The following TEX15 variants were observed in gnomAD, a reference collection of about 807,000 sequenced individuals.
TEX15 encodes testis-expressed protein 15.
A neutral mutation model predicts 237.3 loss-of-function variants in TEX15; 171 were observed. The observed-to-expected ratio is 0.72, with a 90% CI of 0.64 to 0.82. The LOEUF (loss-of-function observed/expected upper bound fraction) is 0.82. Ranked by LOEUF, TEX15 falls within the 40% of genes least tolerant of loss-of-function variation. The probability of loss-of-function intolerance (pLI) is 0.00; values close to 1 mark genes in which losing one functional copy is unlikely to be tolerated. For synonymous variants in TEX15, 1,338 were observed against 1,269.8 expected (o/e 1.05, Z -1.14); for missense variants, 3,750 against 3,646.5 (o/e 1.03, Z -0.73).
intron 2 of TEX15, among the ~76,000 whole-genome samples, chr8:30,888,196 T>C (rs1019468058): frequency 1.3e-5 from 2 of 151,942 alleles, no homozygotes; most frequent in Non-Finnish European, 2.9e-5. Context: ...ATTACAGGCA[T>C]GAGCCACCAT....
intron 3 of TEX15, 134 bp downstream of exon 3, chr8:30,887,033 A>C: frequency 1.4e-6 from 1 of 721,430 alleles, no homozygotes; most frequent in Non-Finnish European, 2.2e-6. Flanking sequence ...ACATAAGTAC[A>C]TGTATGTTTA....
chr8:30,843,201 TA>T lies in TEX15; in HGVS notation c.6965del (p.Leu2322Ter). ...CAATAGGGGAAATTGGTTCATTGTT[TA>T]AATCTTTAGACAAAGTATCATATAT... ...QKIYDTLSKD[L>X]NNEPISPIGL... On this transcript the variant is annotated frameshift_variant, in exon 8 of 11. Coordinates refer to ENST00000643185, the MANE Select transcript of TEX15 (RefSeq NM_001350162.2). LOFTEE classifies it high-confidence loss of function. 6.8e-6 allele frequency: 11 copies of T among 1,613,526 alleles called. No individual in the cohort carries two copies. Among genetic ancestry groups the T allele is most frequent in the Non-Finnish European group, 9.3e-6 (11 of 1,179,656 alleles).
intron 2 of TEX15, among the ~76,000 whole-genome samples, chr8:30,892,556 G>A (rs1360428472): frequency 6.6e-6 from 1 of 152,100 alleles, no homozygotes; most frequent in Non-Finnish European, 1.5e-5. Context: ...AAGTTATACT[G>A]TTATATTAGT....
At chr8:30,835,101 TCTA>T (rs1469378772) in intron 10 of TEX15, among the ~76,000 whole-genome samples, 6 of 151,922 alleles carry the variant, frequency 3.9e-5, no homozygotes, top group Admixed American at 3.9e-4. Context: ...AGACCTCCTC[TCTA>T]CTAATATATA....
chr8:30,872,993 C>T (rs80057881), intron 4 of TEX15, among the ~76,000 whole-genome samples: 14,558 of 152,020 alleles, frequency 0.096, 1,018 homozygotes, highest in African/African-American at 0.2. Context: ...AACAGGTATA[C>T]GATATAGTTG....
rs148337971 is a variant in TEX15, at chr8:30,842,732, A to C, written c.7435T>G (p.Leu2479Val). ...TGAACCAGCTCAGGAAGAAGTGACA[A>C]ATCAAACCAAAGCATACCTCGAAAC... Reference protein sequence around the residue: ...QRFRGMLWFDLSLLPELVQCQ... With the variant: ...QRFRGMLWFDVSLLPELVQCQ... The change falls in exon 8 of 11, where the codon TTG becomes GTG. Residue 2479 changes from leucine (L) to valine (V), a missense_variant. Leu to Val is a conservative substitution (Grantham distance 32, BLOSUM62 1). Coordinates refer to ENST00000643185, the MANE Select transcript of TEX15 (RefSeq NM_001350162.2). The C allele has an allele frequency of 2.8e-4, 446 of 1,613,536 alleles. No individual in the cohort carries two copies. The African/African-American group carries it at 4.7e-3, about 17-fold the overall frequency.
Position 30,844,728 on chromosome 8 carries a change from A to G in TEX15, c.5439T>C (p.Ser1813=). 6.2e-7 allele frequency: 1 copy of G among 1,613,274 alleles called. No homozygotes were observed. Among genetic ancestry groups the G allele is most frequent in the African/African-American group, 1.3e-5 (1 of 75,042 alleles). Residue 1813 remains serine, a synonymous_variant, in exon 8 of 11, where the codon TCT becomes TCC. Coordinates refer to ENST00000643185, the MANE Select transcript of TEX15 (RefSeq NM_001350162.2). ...KSYGENIVEL[S]SSDSSLLLKD... The stretch of plus-strand genomic sequence containing the variant: ...TTAAAAGCAGAGAACTATCACTGGA[A>G]GATAATTCCACTATATTTTCCCCAT...
chr8:30,839,440 A>G (rs889560910), intron 9 of TEX15, among the ~76,000 whole-genome samples: 22 of 151,548 alleles, frequency 1.5e-4, no homozygotes, highest in Admixed American at 4.6e-4. Flanking sequence ...TAAAAAAAAA[A>G]GTAATCTTAT....
chr8:30,859,158 T>C (rs1263016257), intron 6 of TEX15, among the ~76,000 whole-genome samples: 2 of 152,044 alleles, frequency 1.3e-5, no homozygotes, highest in Non-Finnish European at 2.9e-5. Context: ...AAAATAACAA[T>C]AGGTAATCTG....
At chr8:30,885,939 T>G in intron 3 of TEX15, among the ~76,000 whole-genome samples, 1 of 152,258 alleles carries the variant, frequency 6.6e-6, no homozygotes, top group Non-Finnish European at 1.5e-5. Context: ...ATTTCTTTGA[T>G]GAGATTTTCT....
At chr8:30,851,932 T>C (rs1424013916) in intron 7 of TEX15, among the ~76,000 whole-genome samples, 5 of 151,944 alleles carry the variant, frequency 3.3e-5, no homozygotes, top group Non-Finnish European at 7.4e-5. Flanking sequence ...AGACCCCATC[T>C]CAAAACAAAC....
chr8:30,839,964 C>T lies in TEX15; in HGVS notation c.8164G>A (p.Val2722Ile). The T allele has an allele frequency of 6.3e-7, 1 of 1,586,854 alleles. No individual in the cohort carries two copies. Among genetic ancestry groups the T allele is most frequent in the South Asian group, 1.2e-5 (1 of 85,540 alleles). Reference protein sequence around the residue: ...TTVSSCKKLKVDMKDVTKINR... With the variant: ...TTVSSCKKLKIDMKDVTKINR... ...ATTTTTGTGACATCTTTCATGTCTA[C>T]CTGTGTTTAAAAGATACAAAGAAAA... Residue 2722 changes from valine to isoleucine, a missense_variant and splice_region_variant, in exon 9 of 11, where the codon GTA becomes ATA. Coordinates refer to ENST00000643185, the MANE Select transcript of TEX15 (RefSeq NM_001350162.2).
Position 30,849,036 on chromosome 8 carries a change from A to T in TEX15, c.1131T>A (p.His377Gln). Reference protein sequence around the residue: ...EIRDTSQVLAHDSDISLMPSD... With the variant: ...EIRDTSQVLAQDSDISLMPSD... ...TGGGCATAAGTGAAATGTCTGAATC[A>T]TGTGCAAGTACTTGAGAAGTGTCTC... The change falls in exon 8 of 11, where the codon CAT (histidine) becomes CAA (glutamine). Residue 377 changes from histidine (H) to glutamine (Q), a missense_variant. By Grantham distance (24) the His-to-Gln change is conservative. Transcript: ENST00000643185. 2 of 1,614,160 alleles carry T rather than the reference A, an allele frequency of 1.2e-6. No individual in the cohort carries two copies.
chr8:30,860,059 T>TAAA lies in TEX15; in HGVS notation c.541-5_541-3dup. 4 of 1,154,786 alleles carry TAAA rather than the reference T, an allele frequency of 3.5e-6. No individual in the cohort carries two copies. Among genetic ancestry groups the TAAA allele is most frequent in the Admixed American group, 3.7e-5 (1 of 27,388 alleles). 71.5% of individuals were successfully genotyped at this position (1,154,786 alleles called of 1,614,324 possible). On this transcript the variant is annotated splice_region_variant and splice_polypyrimidine_tract_variant and intron_variant, in intron 5 of 10. Transcript: ENST00000643185. ...TTTCTTCACTTTTCCAAAGAGAACC[T>TAAA]AAAAAAAAAAAAGCCAAAAAAAAAG...
chr8:30,877,282 G>A (rs1205202521), intron 3 of TEX15, among the ~76,000 whole-genome samples: 1 of 152,152 alleles, frequency 6.6e-6, no homozygotes, highest in Non-Finnish European at 1.5e-5. Flanking sequence ...AAAAAGCACT[G>A]CTGACTGTTG....
intron 7 of TEX15, among the ~76,000 whole-genome samples, chr8:30,852,863 A>G (rs1314520261): frequency 6.6e-6 from 1 of 152,228 alleles, no homozygotes; most frequent in Non-Finnish European, 1.5e-5. Context: ...TGTGGTAGCT[A>G]CTAGCCACAT....
In TEX15 at chr8:30,849,146, T is replaced by C. The variant is rs747936287; in HGVS notation, c.1021A>G (p.Asn341Asp). The C allele has an allele frequency of 8.3e-6, 13 of 1,569,662 alleles. No homozygotes were observed. The highest frequency in any genetic ancestry group is 1.1e-5 in the Non-Finnish European group (13 of 1,158,714). Residue 341 changes from asparagine (N) to aspartate (D), a missense_variant, in exon 8 of 11, where the codon AAC (asparagine) becomes GAC (aspartate). By Grantham distance (23) the Asn-to-Asp change is conservative. Coordinates refer to ENST00000643185, the MANE Select transcript of TEX15 (RefSeq NM_001350162.2). Reference protein sequence around the residue: ...EINPFISNISNSYGNVQNGNI... With the variant: ...EINPFISNISDSYGNVQNGNI... ...CCATTTTGTACATTTCCATAGGAGTTAGAAATATTTGAGATGAAAGGATTT... is the reference window on the plus strand; with the variant it reads ...CCATTTTGTACATTTCCATAGGAGTCAGAAATATTTGAGATGAAAGGATTT...
intron 3 of TEX15, 93 bp from the exon 4 acceptor site, chr8:30,875,195 T>G: frequency 1.2e-6 from 1 of 834,014 alleles, no homozygotes; most frequent in African/African-American, 1.8e-5. Flanking sequence ...ACAAAATAAC[T>G]AAGTACTGGA....
rs560660762 is a variant in TEX15 at position 30,869,560 on chromosome 8, G to T, written c.303-2058C>A. The stretch of plus-strand genomic sequence containing the variant: ...CCAAATTTGCACATGGGACCCATGA[G>T]GAAGCATAAAGAGACAACTGTGCAT... On this transcript the variant is annotated intron_variant, in intron 4 of 10. Transcript: ENST00000643185. 2.6e-5 allele frequency among the ~76,000 whole-genome samples: 4 copies of T among 152,080 alleles called. No individual in the cohort carries two copies. In the South Asian group the frequency reaches 6.2e-4, roughly 24 times the overall value.
Sources: gnomAD v4.1 joint callset for allele counts (sites outside exome capture counted in the v4.1 genomes callset) on GRCh38, gnomAD v4.1.1 for gene constraint, MANE v1.5 for transcripts, NCBI Gene and HGNC (gene_info 2026-07-23, HGNC 2026-07-21) for gene names.